REDIC1: variants seen among roughly 807,000 people sequenced by gnomAD.
REDIC1 encodes the protein HEI10 Interacting Protein 1.
chr12:39,830,439 T>G, the REDIC1 span: 2 of 1,272,202 alleles, frequency 1.6e-6, no homozygotes, highest in Non-Finnish European at 2.0e-6. Flanking sequence ...CACAGCAACT[T>G]TGGAAGTCAC....
At chr12:39,897,306 C>A in the REDIC1 span, among the ~76,000 whole-genome samples, 2 of 152,180 alleles carry the variant, frequency 1.3e-5, no homozygotes, top group African/African-American at 2.4e-5. Context: ...CCTGCACAGA[C>A]TATCTGAAAG....
At chr12:39,807,039 C>T in the REDIC1 span, among the ~76,000 whole-genome samples, 1 of 152,106 alleles carries the variant, frequency 6.6e-6, no homozygotes, top group African/African-American at 2.4e-5. Context: ...GAAAAAAACA[C>T]ATTAGGTTGG....
At chr12:39,789,812 C>T in the REDIC1 span, among the ~76,000 whole-genome samples, 1,865 of 152,232 alleles carry the variant, frequency 0.012, 14 homozygotes, top group Middle Eastern at 0.058. Context: ...CCCCATTTCA[C>T]ATATTTATTG....
the REDIC1 span, chr12:39,682,900 A>C: frequency 2.5e-6 from 4 of 1,612,790 alleles, no homozygotes; most frequent in Non-Finnish European, 2.5e-6. Flanking sequence ...TGATTATGAT[A>C]GTATGGGAGA....
the REDIC1 span, chr12:39,830,585 C>A: frequency 1.6e-6 from 1 of 624,778 alleles, no homozygotes; most frequent in Non-Finnish European, 2.0e-6. Context: ...GTGATCCAGC[C>A]CTGACTGGTT....
At chr12:39,844,213 T>C in the REDIC1 span, among the ~76,000 whole-genome samples, 1 of 152,050 alleles carries the variant, frequency 6.6e-6, no homozygotes, top group South Asian at 2.1e-4. Context: ...GATTTCTAAA[T>C]AGTACTCCTA....
the REDIC1 span, among the ~76,000 whole-genome samples, chr12:39,843,266 T>C: frequency 4.6e-5 from 7 of 152,094 alleles, no homozygotes; most frequent in African/African-American, 1.7e-4. Context: ...ACAGAATGAG[T>C]CAGGTTTTCC....
the REDIC1 span, among the ~76,000 whole-genome samples, chr12:39,734,747 C>T: frequency 6.6e-6 from 1 of 152,150 alleles, no homozygotes; most frequent in African/African-American, 2.4e-5. Context: ...TCTTCTTATG[C>T]CAATATCATA....
chr12:39,683,221 C>T, the REDIC1 span: 8 of 1,358,536 alleles, frequency 5.9e-6, 1 homozygote, highest in South Asian at 8.7e-5. Flanking sequence ...TATTCATACA[C>T]ACACATCTAT....
At chr12:39,760,043 C>T in the REDIC1 span, 2 of 1,611,616 alleles carry the variant, frequency 1.2e-6, no homozygotes, top group African/African-American at 2.7e-5. Flanking sequence ...ACATCAGAAG[C>T]ATCATTGTCA....
At chr12:39,896,438 A>T in the REDIC1 span, among the ~76,000 whole-genome samples, 1 of 143,958 alleles carries the variant, frequency 6.9e-6, no homozygotes, top group African/African-American at 2.6e-5. Flanking sequence ...ATATGTATAC[A>T]TATATGTATA....
the REDIC1 span, among the ~76,000 whole-genome samples, chr12:39,712,420 A>T: frequency 7.8e-6 from 1 of 127,758 alleles, no homozygotes; most frequent in Non-Finnish European, 1.7e-5. Context: ...ACGTATATAC[A>T]TACGTATATA....
chr12:39,765,608 A>G, the REDIC1 span, among the ~76,000 whole-genome samples: 1 of 152,012 alleles, frequency 6.6e-6, no homozygotes, highest in African/African-American at 2.4e-5. Flanking sequence ...TATTGTTACC[A>G]TATTTATGAA....
the REDIC1 span, among the ~76,000 whole-genome samples, chr12:39,694,959 G>A: frequency 1.1e-4 from 16 of 152,100 alleles, no homozygotes; most frequent in African/African-American, 1.9e-4. Flanking sequence ...CCCCTTTCCA[G>A]GCCCTAGCTC....
At chr12:39,900,452 C>T in the REDIC1 span, among the ~76,000 whole-genome samples, 474 of 151,918 alleles carry the variant, frequency 3.1e-3, 2 homozygotes, top group Middle Eastern at 6.9e-3. Flanking sequence ...TCGTCTCAGC[C>T]CAAAATCTCC....
At chr12:39,743,177 A>G in the REDIC1 span, among the ~76,000 whole-genome samples, 4 of 152,202 alleles carry the variant, frequency 2.6e-5, 1 homozygote, top group Admixed American at 2.0e-4. Flanking sequence ...TTGTTTTATC[A>G]CAGCCTAACT....
chr12:39,737,717 A>ATGCTCTAATGAC, the REDIC1 span, among the ~76,000 whole-genome samples: 1 of 152,234 alleles, frequency 6.6e-6, no homozygotes, highest in African/African-American at 2.4e-5. Flanking sequence ...TTCAAAGCCT[A>ATGCTCTAATGAC]TGCTCTAATG....
At chr12:39,772,420 A>T in the REDIC1 span, among the ~76,000 whole-genome samples, 1 of 151,978 alleles carries the variant, frequency 6.6e-6, no homozygotes, top group East Asian at 1.9e-4. Flanking sequence ...TTTTTTTTTT[A>T]AATCTCAACC....
At chr12:39,708,076 A>G in the REDIC1 span, among the ~76,000 whole-genome samples, 14 of 151,876 alleles carry the variant, frequency 9.2e-5, no homozygotes, top group African/African-American at 2.9e-4. Context: ...ATTAGAAAGA[A>G]TGAATAAGAT....
Sources: gnomAD v4.1 joint callset for allele counts (sites outside exome capture counted in the v4.1 genomes callset) on GRCh38, gnomAD v4.1.1 for gene constraint, MANE v1.5 for transcripts, NCBI Gene and HGNC (gene_info 2026-07-23, HGNC 2026-07-21) for gene names.